MYLK: variants seen among roughly 807,000 people sequenced by gnomAD.
The protein encoded by MYLK is myosin light chain kinase, smooth muscle.
Under a neutral mutation model 203.4 loss-of-function variants are expected in MYLK, and 106 were observed. The observed-to-expected ratio is 0.52, with a 90% confidence interval of 0.45 to 0.61. The LOEUF (loss-of-function observed/expected upper bound fraction) is 0.61, where lower values mean the gene tolerates loss of function less well. Ranked by LOEUF, MYLK falls within the 20% of genes least tolerant of loss-of-function variation. The pLI is 0.00. For missense variants in MYLK, 2,072 were observed against 2,442.3 expected, an observed-to-expected ratio of 0.85 and a Z score of 3.20; for synonymous variants, 867 against 959.5, an observed-to-expected ratio of 0.90 and a Z score of 1.78.
chr3:123,756,247 T>C (rs147924964), intron 4 of MYLK, among the ~76,000 whole-genome samples: 188 of 152,320 alleles, frequency 1.2e-3, no homozygotes, highest in African/African-American at 4.4e-3. Flanking sequence ...AGACCCTAAA[T>C]CCCTTATAGG....
chr3:123,752,431 A>C lies in MYLK; in HGVS notation c.273T>G (p.Leu91=). 1 of 1,614,158 alleles carries C rather than the reference A, an allele frequency of 6.2e-7. No individual in the cohort carries two copies. The change falls in exon 5 of 34, where the codon CTT becomes CTG. Residue 91 remains leucine (L), a synonymous_variant. Transcript: ENST00000360304. ...CCTCCTCATGGACAGCATGAATCAC[A>C]AGGCTGAAAGTCCCCCGGATGCCGC... ...LDCGIRGTFS[L]VIHAVHEEDR...
At chr3:123,622,259 C>A (rs1322519000) in intron 31 of MYLK, 1 of 152,264 alleles carries the variant, frequency 6.6e-6, no homozygotes, top group African/African-American at 2.4e-5. Context: ...CCAGAGGGTT[C>A]ATTCCCAACA....
intron 2 of MYLK, among the ~76,000 whole-genome samples, chr3:123,862,040 C>T (rs902480097): frequency 1.3e-5 from 2 of 152,190 alleles, no homozygotes; most frequent in Admixed American, 1.3e-4. Flanking sequence ...CCCGTGGGGG[C>T]TCCATTGGAA....
chr3:123,866,150 C>G (rs1328774460), intron 2 of MYLK, among the ~76,000 whole-genome samples: 1 of 152,160 alleles, frequency 6.6e-6, no homozygotes, highest in African/African-American at 2.4e-5. Context: ...AATTCCTGAC[C>G]CACAGAACCC....
In MYLK at chr3:123,873,119, A is replaced by G. The variant is rs372227623; in HGVS notation, c.-127+3440T>C. On this transcript the variant is annotated intron_variant, in intron 2 of 33. Coordinates refer to ENST00000360304, the MANE Select transcript of MYLK (RefSeq NM_053025.4). ...TCTATGCCAGAAACTGAAAATAAAG[A>G]CCAAATATATATTTATTATTTTTCT... is the stretch of plus-strand genomic sequence containing the variant. Among the ~76,000 whole-genome samples, 92 of 152,298 alleles carry G rather than the reference A, an allele frequency of 6.0e-4. 2 individuals carry two copies. In the South Asian group the frequency reaches 0.011, roughly 18 times the overall value.
chr3:123,825,972 A>G (rs1021429817), intron 3 of MYLK, among the ~76,000 whole-genome samples: 14 of 152,224 alleles, frequency 9.2e-5, no homozygotes, highest in Admixed American at 6.5e-4. Flanking sequence ...GTGGCTATGC[A>G]TCCACACTCA....
chr3:123,620,715 A>G, intron 31 of MYLK: 1 of 925,508 alleles, frequency 1.1e-6, no homozygotes, highest in Non-Finnish European at 1.3e-6. Flanking sequence ...TAGCGGGGCT[A>G]TTTCTCGTAA....
In MYLK at chr3:123,627,014, G is replaced by A. The variant is rs907468478; in HGVS notation, c.5115-73C>T. The A allele has an allele frequency of 3.2e-6, 5 of 1,576,120 alleles. No individual in the cohort carries two copies. In the East Asian group the frequency reaches 1.1e-4, roughly 35 times the overall value. The stretch of plus-strand genomic sequence containing the variant: ...GAGACCACTGGTTAGTTCAGAAATG[G>A]GAGGCCACCTGTCCCTGGTCATGAG... On this transcript the variant is annotated intron_variant, in intron 30 of 33. Coordinates refer to ENST00000360304, the MANE Select transcript of MYLK (RefSeq NM_053025.4).
chr3:123,669,549 G>T (rs894401770), intron 20 of MYLK, among the ~76,000 whole-genome samples: 7 of 151,914 alleles, frequency 4.6e-5, no homozygotes, highest in Admixed American at 3.3e-4. Context: ...ATCAAACTGT[G>T]GCTTTATAAG....
At position 123,648,722 on chromosome 3, in the gene MYLK, G is replaced by A. The variant is rs924911740; in HGVS notation, c.4415+249C>T. On this transcript the variant is annotated intron_variant, in intron 26 of 33. Coordinates refer to ENST00000360304, the MANE Select transcript of MYLK (RefSeq NM_053025.4). This position sits in a 1 kb window ranked among gnomAD's most constrained non-coding sequence, Gnocchi z 4.5. The stretch of plus-strand genomic sequence containing the variant: ...GTCCTGGGCTCTGAACAGAGGCACA[G>A]AAAAGGAAGGACTTGCCCACAGCCT... Among the ~76,000 whole-genome samples the A allele has an allele frequency of 3.3e-5, 5 of 152,132 alleles. No individual in the cohort carries two copies. The highest frequency in any genetic ancestry group is 1.2e-4 in the African/African-American group (5 of 41,430).
chr3:123,616,824 G>A (rs1408575849), intron 33 of MYLK: 1 of 152,090 alleles, frequency 6.6e-6, no homozygotes, highest in African/African-American at 2.4e-5. Context: ...AAAGCATCCT[G>A]AGGCCTCACT....
intron 31 of MYLK, chr3:123,622,253 A>C (rs1231512698): frequency 6.6e-6 from 1 of 152,260 alleles, no homozygotes; most frequent in African/African-American, 2.4e-5. Context: ...CTAAACCCAG[A>C]GGGTTCATTC....
chr3:123,720,448 C>T (rs527551219), intron 13 of MYLK, among the ~76,000 whole-genome samples: 1 of 152,252 alleles, frequency 6.6e-6, no homozygotes, highest in Admixed American at 6.5e-5. Context: ...GGCGGCTCTA[C>T]GTGTAGCATT....
chr3:123,756,208 A>G (rs536048455), intron 4 of MYLK, among the ~76,000 whole-genome samples: 1 of 152,360 alleles, frequency 6.6e-6, no homozygotes, highest in South Asian at 2.1e-4. Context: ...CTGTAGAACC[A>G]AAAGTATTCA....
At chr3:123,665,522 A>G (rs1426349245) in intron 22 of MYLK, among the ~76,000 whole-genome samples, 1 of 152,226 alleles carries the variant, frequency 6.6e-6, no homozygotes, top group African/African-American at 2.4e-5. Flanking sequence ...AGAGTAACAG[A>G]GGGCTCAGAA....
At chr3:123,765,637 G>A (rs2063680291) in intron 4 of MYLK, among the ~76,000 whole-genome samples, 1 of 152,084 alleles carries the variant, frequency 6.6e-6, no homozygotes, top group Non-Finnish European at 1.5e-5. Context: ...CAACCCAAAT[G>A]TGCATCAACA....
intron 14 of MYLK, 181 bp from the exon 15 acceptor site, chr3:123,709,076 T>C (rs1047858695): frequency 2.9e-5 from 16 of 549,546 alleles, no homozygotes; most frequent in African/African-American, 2.8e-4. Context: ...TGGGAGGACC[T>C]TAAAATTTGA....
chr3:123,845,915 GA>G (rs1250343940), intron 2 of MYLK, among the ~76,000 whole-genome samples: 1 of 152,136 alleles, frequency 6.6e-6, no homozygotes, highest in Non-Finnish European at 1.5e-5. Context: ...TTTCAGACAT[GA>G]TACAGAGTCC....
At chr3:123,784,927 A>AGAT (rs2064453580) in intron 4 of MYLK, among the ~76,000 whole-genome samples, 1 of 152,242 alleles carries the variant, frequency 6.6e-6, no homozygotes, top group Non-Finnish European at 1.5e-5. Context: ...GCAAGTGGGC[A>AGAT]GATGATGGCA....
Sources: allele counts gnomAD v4.1 joint callset (sites outside exome capture counted in the v4.1 genomes callset), GRCh38; gene constraint gnomAD v4.1.1; non-coding constraint Gnocchi (gnomAD v3.1); transcripts MANE v1.5; gene names NCBI Gene and HGNC (gene_info 2026-07-23, HGNC 2026-07-21).